Variants in ALDH1A2 observed in about 807,000 individuals in gnomAD.
ALDH1A2 encodes retinal dehydrogenase 2.
A neutral mutation model predicts 60.3 loss-of-function variants in ALDH1A2; 27 were observed. The ratio of observed to expected loss-of-function variants is 0.45; its 90% CI spans 0.33 to 0.62. ALDH1A2 has a LOEUF of 0.62. Ranked by LOEUF, ALDH1A2 falls within the 20% of genes least tolerant of loss-of-function variation. The probability of loss-of-function intolerance (pLI) is 0.02; values close to 1 mark genes in which losing one functional copy is unlikely to be tolerated. For synonymous variants in ALDH1A2, 289 were observed against 232.4 expected (o/e 1.24, Z -2.21); for missense variants, 581 against 643.8 (o/e 0.90, Z 1.06).
intron 7 of ALDH1A2, among the ~76,000 whole-genome samples, chr15:57,988,150 G>A (rs1464121491): frequency 6.6e-6 from 1 of 152,132 alleles, no homozygotes; most frequent in African/African-American, 2.4e-5. Flanking sequence ...GTATTGTGGG[G>A]CATATAACCT....
chr15:57,965,012 G>A (rs1432912878), intron 8 of ALDH1A2, among the ~76,000 whole-genome samples: 17 of 150,706 alleles, frequency 1.1e-4, no homozygotes, highest in Admixed American at 1.1e-3. Context: ...ACAAGTGGAG[G>A]GAAAAAAAAA....
intron 5 of ALDH1A2, among the ~76,000 whole-genome samples, chr15:57,994,715 A>G (rs1387704717): frequency 6.6e-6 from 1 of 152,192 alleles, no homozygotes; most frequent in African/African-American, 2.4e-5. Flanking sequence ...ATAAAATAAT[A>G]TGCCTGGAAG....
chr15:58,005,684 C>A (rs1895426561), intron 4 of ALDH1A2, among the ~76,000 whole-genome samples: 1 of 151,836 alleles, frequency 6.6e-6, no homozygotes, highest in South Asian at 2.1e-4. Flanking sequence ...GTAAAGCAGT[C>A]TTACATCTAA....
intron 1 of ALDH1A2, among the ~76,000 whole-genome samples, chr15:58,027,680 T>G (rs1230807017): frequency 6.6e-6 from 1 of 152,044 alleles, no homozygotes; most frequent in African/African-American, 2.4e-5. Flanking sequence ...CTAACTAGAA[T>G]AAACAGTGTA....
chr15:58,054,550 T>A (rs1449301359), intron 1 of ALDH1A2, among the ~76,000 whole-genome samples: 1 of 152,074 alleles, frequency 6.6e-6, no homozygotes, highest in Non-Finnish European at 1.5e-5. Context: ...TGATTGCTCA[T>A]AAGAGACAAG....
intron 1 of ALDH1A2, among the ~76,000 whole-genome samples, chr15:58,064,259 T>A (rs8032472): frequency 0.02 from 3,037 of 152,194 alleles, 103 homozygotes; most frequent in African/African-American, 0.069. Context: ...GCCTAAAAGG[T>A]TATAACCATT....
At chr15:58,023,166 A>G (rs1279443846) in intron 1 of ALDH1A2, among the ~76,000 whole-genome samples, 4 of 152,234 alleles carry the variant, frequency 2.6e-5, no homozygotes, top group African/African-American at 9.6e-5. Flanking sequence ...ACAAATAGAA[A>G]TCTGGAACAG....
At chr15:57,969,023 TG>T (rs1377711676) in intron 7 of ALDH1A2, among the ~76,000 whole-genome samples, 2 of 152,320 alleles carry the variant, frequency 1.3e-5, no homozygotes, top group Non-Finnish European at 2.9e-5. Context: ...AAATCTCAGA[TG>T]AATGATACCT....
chr15:58,060,213 G>C (rs1023486760), intron 1 of ALDH1A2, among the ~76,000 whole-genome samples: 1 of 152,126 alleles, frequency 6.6e-6, no homozygotes. Context: ...GAGCCACTGC[G>C]CCTGGCCAGT....
At position 58,065,657 on chromosome 15, in the gene ALDH1A2, G is replaced by C. The variant is rs1293725595; in HGVS notation, c.-7C>G. On this transcript the variant is annotated 5_prime_UTR_variant, in exon 1 of 13. Transcript: ENST00000249750. ...CTATCTTGCTGGAAGTCATGGTGGC[G>C]GGCCGGGTGTCCCTAGCCCGCGGCG... The C allele has an allele frequency of 5.7e-6, 9 of 1,578,748 alleles. No individual in the cohort carries two copies. Among genetic ancestry groups the C allele is most frequent in the Non-Finnish European group, 7.8e-6 (9 of 1,160,682 alleles).
At chr15:58,026,450 G>C (rs1312539196) in intron 1 of ALDH1A2, among the ~76,000 whole-genome samples, 1 of 152,200 alleles carries the variant, frequency 6.6e-6, no homozygotes, top group African/African-American at 2.4e-5. Flanking sequence ...CCAGCAAGGT[G>C]AACACAGAAG....
intron 11 of ALDH1A2, 121 bp from the exon 12 acceptor site, chr15:57,960,965 T>G: frequency 7.5e-7 from 1 of 1,326,058 alleles, no homozygotes; most frequent in Non-Finnish European, 1.0e-6. Context: ...GAAAAAATTG[T>G]AATTTAAAAT....
chr15:58,029,763 T>C (rs1478922216), intron 1 of ALDH1A2, among the ~76,000 whole-genome samples: 1 of 152,132 alleles, frequency 6.6e-6, no homozygotes, highest in Non-Finnish European at 1.5e-5. Context: ...TAAACACCTC[T>C]ATGCAAATAA....
chr15:58,046,461 T>C (rs1365262495), intron 1 of ALDH1A2, among the ~76,000 whole-genome samples: 2 of 151,988 alleles, frequency 1.3e-5, no homozygotes, highest in Non-Finnish European at 2.9e-5. Flanking sequence ...TCGTTAAAGA[T>C]TGAGGTGATT....
Position 58,034,888 on chromosome 15 carries a change from G to T in ALDH1A2, c.118-20607C>A, listed in dbSNP as rs74018817. ...CTCAATTTGCTAATATTTTGTTGTG[G>T]ATTTTTGCATCTATGTTCATGAGAG... is the stretch of plus-strand genomic sequence containing the variant. On this transcript the variant is annotated intron_variant, in intron 1 of 12. Transcript: ENST00000249750. Among the ~76,000 whole-genome samples, 1,168 of 151,614 alleles carry T rather than the reference G, an allele frequency of 7.7e-3. 17 individuals carry two copies. The highest frequency in any genetic ancestry group is 0.026 in the African/African-American group (1,084 of 41,442).
At chr15:57,983,591 C>A (rs113662539) in intron 7 of ALDH1A2, among the ~76,000 whole-genome samples, 1 of 152,192 alleles carries the variant, frequency 6.6e-6, no homozygotes, top group African/African-American at 2.4e-5. Flanking sequence ...ACTGATGACA[C>A]TTCTCCTAGA....
chr15:57,997,539 C>A (rs1472141676), intron 4 of ALDH1A2, among the ~76,000 whole-genome samples: 1 of 151,746 alleles, frequency 6.6e-6, no homozygotes, highest in Non-Finnish European at 1.5e-5. Flanking sequence ...CATGTAGGAA[C>A]CTGGAATGGT....
At chr15:57,998,326 T>C (rs940547422) in intron 4 of ALDH1A2, among the ~76,000 whole-genome samples, 3 of 152,156 alleles carry the variant, frequency 2.0e-5, no homozygotes, top group South Asian at 2.1e-4. Flanking sequence ...CAAAAGCTTC[T>C]TAAGCTGATA....
intron 1 of ALDH1A2, among the ~76,000 whole-genome samples, chr15:58,054,870 C>A (rs1896857741): frequency 2.0e-5 from 3 of 152,126 alleles, no homozygotes; most frequent in Admixed American, 2.0e-4. Context: ...CACATATTCC[C>A]AGGTGATGTA....
Sources: gnomAD v4.1 joint callset for allele counts (sites outside exome capture counted in the v4.1 genomes callset) on GRCh38, gnomAD v4.1.1 for gene constraint, MANE v1.5 for transcripts, NCBI Gene and HGNC (gene_info 2026-07-23, HGNC 2026-07-21) for gene names.